Variants in GAREM1 observed in about 807,000 individuals in gnomAD.
GAREM1 encodes GRB2 associated regulator of MAPK1 subtype 1, also known as GRB2-associated and regulator of MAPK protein 1.
GAREM1 carries 26 observed loss-of-function variants against 71.3 expected under a neutral mutation model. The observed-to-expected ratio is 0.36, with a 90% CI of 0.27 to 0.51. The LOEUF (loss-of-function observed/expected upper bound fraction) is 0.51, where lower values mean the gene tolerates loss of function less well. Ranked by LOEUF, GAREM1 falls within the 20% of genes least tolerant of loss-of-function variation. The probability of loss-of-function intolerance (pLI) is 0.95; values close to 1 mark genes in which losing one functional copy is unlikely to be tolerated. For missense variants in GAREM1, 1,026 were observed against 1,103.1 expected, an observed-to-expected ratio of 0.93 and a Z score of 0.99; for synonymous variants, 440 against 433.2, an observed-to-expected ratio of 1.02 and a Z score of -0.20.
intron 2 of GAREM1, among the ~76,000 whole-genome samples, chr18:32,386,878 G>A (rs542849515): frequency 1.1e-4 from 17 of 152,204 alleles, no homozygotes; most frequent in Admixed American, 7.9e-4. Context: ...AGCCATTTAC[G>A]CAAGTTAGAT....
rs550881038 is a variant in GAREM1, at chr18:32,313,227, C to G, written c.263-2904G>C. Among the ~76,000 whole-genome samples the G allele has an allele frequency of 1.8e-4, 28 of 152,160 alleles. No individual in the cohort carries two copies. In the East Asian group the frequency reaches 5.4e-3, roughly 30 times the overall value. On this transcript the variant is annotated intron_variant, in intron 2 of 5. Coordinates refer to ENST00000269209, the MANE Select transcript of GAREM1 (RefSeq NM_001242409.2). ...ACCGGGAGCAATTATGCCACCTGAACATGGACACTGAGCTGGATAAAATGG... is the reference window on the plus strand; with the variant it reads ...ACCGGGAGCAATTATGCCACCTGAAGATGGACACTGAGCTGGATAAAATGG...
At chr18:32,393,597 A>G (rs1458005922) in intron 1 of GAREM1, among the ~76,000 whole-genome samples, 1 of 152,226 alleles carries the variant, frequency 6.6e-6, no homozygotes, top group Non-Finnish European at 1.5e-5. Flanking sequence ...CTCTGTTGAA[A>G]GAGTACTTGA....
intron 1 of GAREM1, among the ~76,000 whole-genome samples, chr18:32,410,035 T>C (rs929839513): frequency 2.6e-5 from 4 of 152,172 alleles, no homozygotes; most frequent in African/African-American, 7.2e-5. Flanking sequence ...AGATGATGCA[T>C]TTGGTTTGTG....
chr18:32,391,543 A>G (rs1162600118), intron 2 of GAREM1, among the ~76,000 whole-genome samples: 6 of 152,154 alleles, frequency 3.9e-5, no homozygotes, highest in Non-Finnish European at 7.4e-5. Flanking sequence ...CAATGTAGCA[A>G]TTTACCTTTC....
intron 1 of GAREM1, among the ~76,000 whole-genome samples, chr18:32,439,551 A>G (rs2048713840): frequency 6.6e-6 from 1 of 152,208 alleles, no homozygotes. Context: ...ACAACCCTGC[A>G]GGTTGGACCT....
intron 2 of GAREM1, among the ~76,000 whole-genome samples, chr18:32,352,793 G>A (rs2047764840): frequency 6.6e-6 from 1 of 152,172 alleles, no homozygotes; most frequent in Non-Finnish European, 1.5e-5. Flanking sequence ...GGTTTAAGGA[G>A]GATGGGGCTA....
intron 1 of GAREM1, among the ~76,000 whole-genome samples, chr18:32,416,017 T>A (rs948250805): frequency 6.6e-6 from 1 of 152,050 alleles, no homozygotes; most frequent in Non-Finnish European, 1.5e-5. Context: ...TAAACAAATT[T>A]GGTAAAGTTC....
At position 32,310,296 on chromosome 18, in the gene GAREM1, C is replaced by T. The variant is rs757787792; in HGVS notation, c.290G>A (p.Arg97Gln). 6.2e-7 allele frequency: 1 copy of T among 1,614,094 alleles called. No homozygotes were observed. Among genetic ancestry groups the T allele is most frequent in the Non-Finnish European group, 8.5e-7 (1 of 1,180,000 alleles). ...AGQFKLLEQD[R>Q]DIKEPVQYFN... ...ATATTGCACTGGCTCCTTTATATCTCGGTCTTGTTCCAGCAGCTTGAATTG... is the reference window on the plus strand; with the variant it reads ...ATATTGCACTGGCTCCTTTATATCTTGGTCTTGTTCCAGCAGCTTGAATTG... Residue 97 changes from arginine (R) to glutamine (Q), a missense_variant, in exon 3 of 6, where the codon CGA (arginine) becomes CAA (glutamine). Transcript: ENST00000269209.
chr18:32,391,369 C>G (rs1295594027), intron 2 of GAREM1, among the ~76,000 whole-genome samples: 1 of 152,104 alleles, frequency 6.6e-6, no homozygotes, highest in Non-Finnish European at 1.5e-5. Flanking sequence ...AATCTAGCAG[C>G]AGGATGCAGT....
chr18:32,434,502 G>A (rs1311826249), intron 1 of GAREM1, among the ~76,000 whole-genome samples: 1 of 151,806 alleles, frequency 6.6e-6, no homozygotes, highest in Admixed American at 6.6e-5. Flanking sequence ...AAAAGATGGG[G>A]GCACACTGAA....
chr18:32,469,046 C>T (rs966111027), intron 1 of GAREM1, among the ~76,000 whole-genome samples: 7 of 147,832 alleles, frequency 4.7e-5, no homozygotes, highest in African/African-American at 1.5e-4. Context: ...AGCTTATTCC[C>T]AATGCACCCT....
At chr18:32,403,151 G>A (rs1198993578) in intron 1 of GAREM1, among the ~76,000 whole-genome samples, 1 of 152,136 alleles carries the variant, frequency 6.6e-6, no homozygotes, top group East Asian at 1.9e-4. Context: ...CAAGTGATCT[G>A]CCTGCTTCGG....
chr18:32,404,330 A>G (rs1241321158), intron 1 of GAREM1, among the ~76,000 whole-genome samples: 1 of 152,142 alleles, frequency 6.6e-6, no homozygotes, highest in Non-Finnish European at 1.5e-5. Context: ...TATGTTGATA[A>G]TCAACTTGTT....
At chr18:32,377,073 G>T (rs183357873) in intron 2 of GAREM1, among the ~76,000 whole-genome samples, 1 of 152,178 alleles carries the variant, frequency 6.6e-6, no homozygotes, top group Non-Finnish European at 1.5e-5. Context: ...CACAAAAAAC[G>T]TTAGGCAACA....
Position 32,457,220 on chromosome 18 carries a change from AGAG to A in GAREM1, c.121+13085_121+13087del, listed in dbSNP as rs1448679040. Among the ~76,000 whole-genome samples the A allele has an allele frequency of 3.0e-3, 332 of 109,366 alleles. 1 individual carries two copies. Among genetic ancestry groups the A allele is most frequent in the African/African-American group, 0.01 (283 of 28,260 alleles). 71.7% of individuals were successfully genotyped at this position (109,366 alleles called of 152,430 possible). A position where few individuals can be genotyped will look rare whatever the true frequency, so the allele number is the denominator to read the frequency against. On this transcript the variant is annotated intron_variant, in intron 1 of 5. Coordinates refer to ENST00000269209, the MANE Select transcript of GAREM1 (RefSeq NM_001242409.2). The stretch of plus-strand genomic sequence containing the variant: ...TGTGTAGGGGGGGAGAGAGAGAGAG[AGAG>A]AGAGTGTGTGTGTGTGTGTGTGTGT...
chr18:32,393,159 G>T, intron 1 of GAREM1, 124 bp from the exon 2 acceptor site: 18 of 753,958 alleles, frequency 2.4e-5, no homozygotes, highest in African/African-American at 3.6e-5. Context: ...CCCAAGATGA[G>T]ATAAAGTTTA....
chr18:32,453,951 C>T (rs1210955219), intron 1 of GAREM1, among the ~76,000 whole-genome samples: 1 of 151,908 alleles, frequency 6.6e-6, no homozygotes, highest in Non-Finnish European at 1.5e-5. Flanking sequence ...ACAATCTCTG[C>T]CTTCATAGAG....
intron 2 of GAREM1, among the ~76,000 whole-genome samples, chr18:32,370,749 T>C (rs1283989508): frequency 2.6e-5 from 4 of 152,062 alleles, no homozygotes; most frequent in African/African-American, 9.7e-5. Flanking sequence ...CTACCTGCTG[T>C]TTACAATTTT....
intron 3 of GAREM1, among the ~76,000 whole-genome samples, chr18:32,309,592 G>A (rs1195504951): frequency 7.5e-6 from 1 of 133,578 alleles, no homozygotes; most frequent in Non-Finnish European, 1.5e-5. Flanking sequence ...CTCCAGCCTG[G>A]GTGACAGAGC....
Sources: gnomAD v4.1 joint callset for allele counts (sites outside exome capture counted in the v4.1 genomes callset) on GRCh38, gnomAD v4.1.1 for gene constraint, MANE v1.5 for transcripts, NCBI Gene and HGNC (gene_info 2026-07-23, HGNC 2026-07-21) for gene names.